Variants in NKAIN3 observed in about 807,000 individuals in gnomAD.
The protein encoded by NKAIN3 is sodium/potassium-transporting ATPase subunit beta-1-interacting protein 3.
NKAIN3 carries 25 observed loss-of-function variants against 30.2 expected under a neutral mutation model. The observed-to-expected ratio is 0.83, with a 90% CI of 0.60 to 1.16. The LOEUF (loss-of-function observed/expected upper bound fraction) is 1.16, where lower values mean the gene tolerates loss of function less well. NKAIN3 is among the 50% of genes most tolerant of loss of function. NKAIN3 has a pLI of 0.00. For synonymous variants in NKAIN3, 91 were observed against 89.6 expected (o/e 1.02, Z -0.09); for missense variants, 225 against 254.1 (o/e 0.89, Z 0.78).
chr8:62,919,227 A>ATTT (rs71255371), intron 5 of NKAIN3, among the ~76,000 whole-genome samples: 823 of 47,208 alleles, frequency 0.017, 93 homozygotes, highest in Middle Eastern at 0.045. Context: ...TACTTTCAAA[A>ATTT]TTTTTTTTTT....
At chr8:62,952,192 A>G (rs1413348795) in intron 5 of NKAIN3, among the ~76,000 whole-genome samples, 2 of 152,194 alleles carry the variant, frequency 1.3e-5, no homozygotes, top group Non-Finnish European at 2.9e-5. Flanking sequence ...TAAATATTAA[A>G]GATAAATATA....
Position 62,978,511 on chromosome 8 carries a change from A to T in NKAIN3, c.*13104A>T, listed in dbSNP as rs1344971728. 1 of 152,284 alleles carries T rather than the reference A, an allele frequency of 6.6e-6. No individual in the cohort carries two copies. Among genetic ancestry groups the T allele is most frequent in the African/African-American group, 2.4e-5 (1 of 41,450 alleles). 9.4% of individuals were successfully genotyped at this position (152,284 alleles called of 1,614,324 possible). ...TGAACTTCCTGGCAGCTTTGTTTAC[A>T]CTGTGAGGGGAAAACTGCCTACTCA... is the stretch of plus-strand genomic sequence containing the variant. On this transcript the variant is annotated 3_prime_UTR_variant, in exon 7 of 7. Transcript: ENST00000623646.
intron 4 of NKAIN3, among the ~76,000 whole-genome samples, chr8:62,912,237 G>A (rs1027118767): frequency 6.6e-6 from 1 of 152,050 alleles, no homozygotes; most frequent in Non-Finnish European, 1.5e-5. Flanking sequence ...TAATAAGCCT[G>A]TATATTGATA....
chr8:62,279,677 T>C (rs945273334), intron 1 of NKAIN3, among the ~76,000 whole-genome samples: 2 of 152,240 alleles, frequency 1.3e-5, no homozygotes, highest in African/African-American at 4.8e-5. Flanking sequence ...AAAGATCAGA[T>C]GGCTGTAGAT....
At chr8:62,425,864 C>T (rs891767994) in intron 1 of NKAIN3, among the ~76,000 whole-genome samples, 24 of 151,834 alleles carry the variant, frequency 1.6e-4, no homozygotes, top group Non-Finnish European at 2.8e-4. Context: ...CGTTCCATGT[C>T]TGTCTTACTT....
At chr8:62,863,647 A>T in intron 4 of NKAIN3, 1 of 1,296,610 alleles carries the variant, frequency 7.7e-7, no homozygotes, top group African/African-American at 1.5e-5. Context: ...GGTCACTGGG[A>T]TAACTTTCTC....
At chr8:62,466,082 G>T (rs922888937) in intron 1 of NKAIN3, among the ~76,000 whole-genome samples, 1 of 152,152 alleles carries the variant, frequency 6.6e-6, no homozygotes, top group East Asian at 1.9e-4. Flanking sequence ...GTAATTTCCA[G>T]GGTTTCTAGA....
At position 62,268,316 on chromosome 8, in the gene NKAIN3, A is replaced by G. The variant is rs1416090272; in HGVS notation, c.54+19189A>G. 2.6e-5 allele frequency among the ~76,000 whole-genome samples: 4 copies of G among 152,308 alleles called. No homozygotes were observed. The East Asian group carries it at 7.7e-4, about 29-fold the overall frequency. On this transcript the variant is annotated intron_variant, in intron 1 of 6. Coordinates refer to ENST00000623646, the MANE Select transcript of NKAIN3 (RefSeq NM_001304533.3). ...CTGGAGAGAAAGACTGTCCATATCT[A>G]GAAGACTGTTCATACTTCTTTCCAT...
chr8:62,415,100 T>A (rs1199540145), intron 1 of NKAIN3, among the ~76,000 whole-genome samples: 1 of 138,358 alleles, frequency 7.2e-6, no homozygotes, highest in African/African-American at 2.6e-5. Context: ...ATATTACATA[T>A]AATATATATT....
intron 3 of NKAIN3, among the ~76,000 whole-genome samples, chr8:62,658,026 T>C (rs1332644738): frequency 6.6e-6 from 1 of 152,192 alleles, no homozygotes; most frequent in Non-Finnish European, 1.5e-5. Flanking sequence ...CATGTGCCTC[T>C]GTGTTTACAC....
At chr8:62,870,637 TTA>T (rs1554586626) in intron 4 of NKAIN3, among the ~76,000 whole-genome samples, 2 of 96,852 alleles carry the variant, frequency 2.1e-5, no homozygotes, top group African/African-American at 9.2e-5. Context: ...AAACTCTATT[TTA>T]TATATATATC....
chr8:62,829,807 CTT>C (rs1266134631), intron 4 of NKAIN3, among the ~76,000 whole-genome samples: 2 of 151,988 alleles, frequency 1.3e-5, no homozygotes, highest in Non-Finnish European at 2.9e-5. Context: ...CTATAACCAC[CTT>C]TCTTTCTTTA....
At chr8:62,856,869 G>T in intron 4 of NKAIN3, 1 of 591,192 alleles carries the variant, frequency 1.7e-6, no homozygotes, top group South Asian at 1.7e-5. Context: ...TGATCTTACT[G>T]ATGTACACAC....
intron 1 of NKAIN3, chr8:62,483,416 T>G: frequency 4.8e-6 from 1 of 208,822 alleles, no homozygotes; most frequent in Non-Finnish European, 1.0e-5. Context: ...CTTCAGCATT[T>G]CATAAAGTAT....
In NKAIN3 at chr8:62,905,959, G is replaced by A. The variant is rs886102537; in HGVS notation, c.472-12494G>A. Among the ~76,000 whole-genome samples the A allele has an allele frequency of 3.3e-5, 5 of 152,244 alleles. No homozygotes were observed. In the East Asian group the frequency reaches 5.8e-4, roughly 18 times the overall value. On this transcript the variant is annotated intron_variant, in intron 4 of 6. Transcript: ENST00000623646. ...GCTCTTTACCTGAGAATTTCTCAGC[G>A]TTGTGCTTTCATCAAGCAACCTTCG...
Position 62,664,277 on chromosome 8 carries a change from C to T in NKAIN3, c.273+74483C>T, listed in dbSNP as rs1191732197. 2.6e-5 allele frequency among the ~76,000 whole-genome samples: 4 copies of T among 152,176 alleles called. No individual in the cohort carries two copies. In the South Asian group the frequency reaches 8.3e-4, roughly 32 times the overall value. On this transcript the variant is annotated intron_variant, in intron 3 of 6. Transcript: ENST00000623646. ...AAGCTCCCATCTTTTAATGAACAAA[C>T]TTCCCAATCTGCTCCAGTTTGAGGT...
intron 1 of NKAIN3, among the ~76,000 whole-genome samples, chr8:62,558,437 A>C (rs1809474401): frequency 6.6e-6 from 1 of 151,924 alleles, no homozygotes; most frequent in African/African-American, 2.4e-5. Context: ...TTTTCTAGTT[A>C]TGTGAAGAAT....
intron 4 of NKAIN3, among the ~76,000 whole-genome samples, chr8:62,772,181 G>C (rs1304851384): frequency 6.6e-6 from 1 of 152,038 alleles, no homozygotes; most frequent in Non-Finnish European, 1.5e-5. Flanking sequence ...CCTGTGCCTG[G>C]CTTGTTTCAC....
chr8:62,403,988 C>A (rs1252727973), intron 1 of NKAIN3, among the ~76,000 whole-genome samples: 5 of 152,240 alleles, frequency 3.3e-5, no homozygotes, highest in African/African-American at 1.2e-4. Context: ...GGGAGCCCAC[C>A]TCTTGCAACA....
Sources: allele counts gnomAD v4.1 joint callset (sites outside exome capture counted in the v4.1 genomes callset), GRCh38; gene constraint gnomAD v4.1.1; transcripts MANE v1.5; gene names NCBI Gene and HGNC (gene_info 2026-07-23, HGNC 2026-07-21).